The following LRRC37A3 variants were observed in gnomAD, a reference collection of about 807,000 sequenced individuals.
LRRC37A3 encodes leucine-rich repeat-containing protein 37A3.
LRRC37A3 carries 25 observed loss-of-function variants against 106.2 expected under a neutral mutation model. That is an observed-to-expected ratio of 0.24 (90% confidence interval 0.17 to 0.33). The LOEUF is 0.33. LRRC37A3 is among the 10% of genes least tolerant of loss of function. The pLI is 1.00. For missense variants in LRRC37A3, 712 were observed against 1,644.9 expected (o/e 0.43, Z 9.81); for synonymous variants, 305 against 635.8 (o/e 0.48, Z 7.83).
chr17:64,916,069 C>T (rs1359217287), intron 2 of LRRC37A3, among the ~76,000 whole-genome samples: 1 of 151,896 alleles, frequency 6.6e-6, no homozygotes, highest in Non-Finnish European at 1.5e-5. Flanking sequence ...CAAGATCATG[C>T]CACTGCACTC....
intron 10 of LRRC37A3, among the ~76,000 whole-genome samples, chr17:64,864,113 G>A (rs1375721531): frequency 6.6e-6 from 1 of 151,890 alleles, no homozygotes; most frequent in South Asian, 2.1e-4. Context: ...ACAAGTGGGA[G>A]CCACTGTACC....
At chr17:64,913,434 G>A (rs1567788709) in intron 2 of LRRC37A3, among the ~76,000 whole-genome samples, 3 of 150,216 alleles carry the variant, frequency 2.0e-5, no homozygotes, top group Middle Eastern at 3.2e-3. Flanking sequence ...TCCAACTCCC[G>A]GATTCAAGTG....
At chr17:64,917,482 C>A (rs900037577) in intron 2 of LRRC37A3, among the ~76,000 whole-genome samples, 6 of 152,024 alleles carry the variant, frequency 3.9e-5, no homozygotes, top group African/African-American at 1.5e-4. Context: ...TTTACGGCAG[C>A]TTTATTCATA....
At chr17:64,872,475 C>T (rs1457287581) in intron 8 of LRRC37A3, among the ~76,000 whole-genome samples, 1 of 152,160 alleles carries the variant, frequency 6.6e-6, no homozygotes, top group Non-Finnish European at 1.5e-5. Context: ...GTCATGATGT[C>T]ATCTGTCTGG....
intron 2 of LRRC37A3, among the ~76,000 whole-genome samples, chr17:64,917,609 C>G (rs2947907): frequency 6.6e-6 from 1 of 151,982 alleles, no homozygotes; most frequent in African/African-American, 2.4e-5. Flanking sequence ...TACAACAACA[C>G]AGATGAATCT....
rs751107647 is a variant in LRRC37A3, at chr17:64,860,371, A to G, written c.3775T>C (p.Ser1259Pro). ...TGTGGTAGGGCTTTTGCAGGGCTGG[A>G]GGTAGAAGGCGCGCCCTTGGAGAAG... The part of the protein sequence containing the change: ...KPFSKGAPST[S>P]SPAKALPQVR... Residue 1259 changes from serine to proline, a missense_variant, in exon 12 of 15, where the codon TCC becomes CCC. Ser to Pro is a moderately conservative substitution (Grantham distance 74, BLOSUM62 -1). Transcript: ENST00000584306. 1.5e-4 allele frequency: 242 copies of G among 1,613,720 alleles called. No homozygotes were observed. The highest frequency in any genetic ancestry group is 1.6e-4 in the Non-Finnish European group (192 of 1,179,860).
intron 11 of LRRC37A3, among the ~76,000 whole-genome samples, chr17:64,862,082 G>A (rs1972894990): frequency 6.6e-6 from 1 of 151,578 alleles, no homozygotes; most frequent in African/African-American, 2.4e-5. Context: ...CGCTTCTTGG[G>A]GAGAAGGGAA....
chr17:64,878,192 A>T lies in LRRC37A3; in HGVS notation c.2906+7894T>A, dbSNP rs547157737. Among the ~76,000 whole-genome samples, 47 of 152,354 alleles carry T rather than the reference A, an allele frequency of 3.1e-4. No homozygotes were observed. In the Middle Eastern group the frequency reaches 0.01, roughly 33 times the overall value. On this transcript the variant is annotated intron_variant, in intron 8 of 14. Coordinates refer to ENST00000584306, the MANE Select transcript of LRRC37A3 (RefSeq NM_199340.5). ...AGTATTACTAGCTGAAGGCAGCCTG[A>T]CATGGTGAAAAGAATGTCAGACAGA...
chr17:64,858,646 C>T, intron 13 of LRRC37A3, 133 bp downstream of exon 13: 2 of 728,206 alleles, frequency 2.7e-6, no homozygotes, highest in South Asian at 1.5e-5. Flanking sequence ...AAGCATACAC[C>T]TCAGCCTTAA....
At chr17:64,893,895 G>T (rs1389148841) in intron 4 of LRRC37A3, among the ~76,000 whole-genome samples, 1 of 148,376 alleles carries the variant, frequency 6.7e-6, no homozygotes, top group Non-Finnish European at 1.5e-5. Flanking sequence ...CTCGTGATCC[G>T]CCCGCCTCGG....
rs1973445984 is a variant in LRRC37A3 at position 64,874,626 on chromosome 17, G to T, written c.2907-5460C>A. 1.3e-5 allele frequency among the ~76,000 whole-genome samples: 2 copies of T among 152,288 alleles called. 1 individual carries two copies. The highest frequency in any genetic ancestry group is 4.1e-4 in the South Asian group (2 of 4,836). ...CAACAGCTCATTGAGAACGGGCCAT[G>T]ATGACGATGGCGGTTTTGTTGAATA... On this transcript the variant is annotated intron_variant, in intron 8 of 14. Coordinates refer to ENST00000584306, the MANE Select transcript of LRRC37A3 (RefSeq NM_199340.5).
chr17:64,858,779 C>T lies in LRRC37A3; in HGVS notation c.4809G>A (p.Glu1603=), dbSNP rs774275230. Residue 1603 remains glutamate (E), a splice_region_variant and synonymous_variant, in exon 13 of 15, where the codon GAG becomes GAA. Transcript: ENST00000584306. The stretch of plus-strand genomic sequence containing the variant: ...AACCTGAATTAATTATTGTCCTTAC[C>T]TCAATGAGGCAGAGAAGTATAATCA... ...TILIILLCLI[E]ICCHRRSLQE... 1.2e-6 allele frequency: 2 copies of T among 1,603,398 alleles called. No homozygotes were observed. The highest frequency in any genetic ancestry group is 1.7e-6 in the Non-Finnish European group (2 of 1,170,594).
At chr17:64,874,923 T>C (rs938899104) in intron 8 of LRRC37A3, among the ~76,000 whole-genome samples, 1 of 151,314 alleles carries the variant, frequency 6.6e-6, no homozygotes, top group African/African-American at 2.4e-5. Context: ...TCATCACCAC[T>C]CCCTAATCTC....
At chr17:64,857,556 C>A (rs1972719070) in intron 13 of LRRC37A3, among the ~76,000 whole-genome samples, 2 of 148,374 alleles carry the variant, frequency 1.3e-5, no homozygotes, top group African/African-American at 5.3e-5. Flanking sequence ...AGTGGTACGA[C>A]CACAGCTCAC....
intron 8 of LRRC37A3, chr17:64,871,622 A>G (rs912879265): frequency 6.6e-6 from 1 of 151,896 alleles, no homozygotes; most frequent in African/African-American, 2.4e-5. Context: ...ACCCCTTTTT[A>G]GGCAACCTGG....
At chr17:64,862,834 T>G in intron 11 of LRRC37A3, 66 bp downstream of exon 11, 2 of 1,558,950 alleles carry the variant, frequency 1.3e-6, no homozygotes, top group Non-Finnish European at 1.7e-6. Flanking sequence ...TTATCATCAT[T>G]AAAAATAAAA....
At chr17:64,873,563 C>A (rs1973393158) in intron 8 of LRRC37A3, among the ~76,000 whole-genome samples, 1 of 149,740 alleles carries the variant, frequency 6.7e-6, no homozygotes, top group Admixed American at 6.7e-5. Context: ...AAAGCAATGT[C>A]TCATCAAATA....
At chr17:64,856,085 G>A (rs572942287) in intron 13 of LRRC37A3, among the ~76,000 whole-genome samples, 196 bp from the exon 14 acceptor site, 1 of 152,156 alleles carries the variant, frequency 6.6e-6, no homozygotes, top group East Asian at 1.9e-4. Context: ...GCGGGGGATT[G>A]GTTCTAGGAT....
chr17:64,863,066 T>C, intron 10 of LRRC37A3, 48 bp from the exon 11 acceptor site: 1 of 1,595,670 alleles, frequency 6.3e-7, no homozygotes. Context: ...AGCGGTTACT[T>C]GAGTAGGTAA....
Sources: allele counts gnomAD v4.1 joint callset (sites outside exome capture counted in the v4.1 genomes callset), GRCh38; gene constraint gnomAD v4.1.1; transcripts MANE v1.5; gene names NCBI Gene and HGNC (gene_info 2026-07-23, HGNC 2026-07-21).